The following MKLN1 variants were observed in gnomAD, a reference collection of about 807,000 sequenced individuals.
The protein encoded by MKLN1 is muskelin 1.
A neutral mutation model predicts 99.0 loss-of-function variants in MKLN1; 18 were observed. The observed-to-expected ratio is 0.18, with a 90% CI of 0.13 to 0.27. MKLN1 has a LOEUF of 0.27. Ranked by LOEUF, MKLN1 falls within the 10% of genes least tolerant of loss-of-function variation. The probability of loss-of-function intolerance (pLI) is 1.00; values close to 1 mark genes in which losing one functional copy is unlikely to be tolerated. For synonymous variants in MKLN1, 288 were observed against 293.2 expected, an observed-to-expected ratio of 0.98 and a Z score of 0.18; for missense variants, 621 against 875.9, an observed-to-expected ratio of 0.71 and a Z score of 3.67.
chr7:131,251,672 T>G (rs1438964570), intron 3 of MKLN1, among the ~76,000 whole-genome samples: 1 of 140,402 alleles, frequency 7.1e-6, no homozygotes, highest in Non-Finnish European at 1.6e-5. Context: ...AACATTTTCT[T>G]TTTTTTTTTT....
chr7:131,454,672 C>A (rs1796283484), intron 12 of MKLN1, among the ~76,000 whole-genome samples: 1 of 152,160 alleles, frequency 6.6e-6, no homozygotes, highest in East Asian at 1.9e-4. Flanking sequence ...TCATTATTAT[C>A]CTTTGGCAAA....
intron 3 of MKLN1, among the ~76,000 whole-genome samples, chr7:131,292,279 C>T (rs575403972): frequency 1.3e-5 from 2 of 152,116 alleles, no homozygotes; most frequent in African/African-American, 4.8e-5. Flanking sequence ...AGAAAGGAGG[C>T]GAGAATGCCA....
chr7:131,454,412 T>C (rs1796274993), intron 12 of MKLN1, among the ~76,000 whole-genome samples: 2 of 152,192 alleles, frequency 1.3e-5, no homozygotes. Flanking sequence ...AAATAAATGA[T>C]GAGTGGTAGA....
chr7:131,414,697 T>C lies in MKLN1; in HGVS notation c.834T>C (p.Ile278=). The C allele has an allele frequency of 6.2e-7, 1 of 1,603,672 alleles. No individual in the cohort carries two copies. Among genetic ancestry groups the C allele is most frequent in the East Asian group, 2.3e-5 (1 of 44,268 alleles). The change falls in exon 8 of 18, where the codon ATT becomes ATC. Residue 278 remains isoleucine (I), a synonymous_variant. Coordinates refer to ENST00000352689, the MANE Select transcript of MKLN1 (RefSeq NM_013255.5). ...TGAGAGGAGGCCATCAGATGGTTAT[T>C]GATGTTCAAACAGGTGAGTAGCAGT... ...PGMRGGHQMV[I]DVQTETVYLF...
intron 1 of MKLN1, among the ~76,000 whole-genome samples, chr7:131,350,634 G>T (rs997471690): frequency 2.6e-4 from 39 of 152,166 alleles, no homozygotes; most frequent in African/African-American, 9.4e-4. Context: ...TTATTGCCAC[G>T]TGGGCATCTC....
intron 2 of MKLN1, among the ~76,000 whole-genome samples, chr7:131,164,661 C>T (rs1453394728): frequency 2.6e-5 from 4 of 152,136 alleles, no homozygotes; most frequent in African/African-American, 4.8e-5. Context: ...AAAATACATT[C>T]CAGCATTTGT....
chr7:131,298,903 T>C (rs1223301944), intron 3 of MKLN1, among the ~76,000 whole-genome samples: 2 of 152,180 alleles, frequency 1.3e-5, no homozygotes, highest in African/African-American at 2.4e-5. Context: ...TTGTTATTTT[T>C]TCAGTTGTTT....
chr7:131,379,728 G>A (rs1401352802), intron 2 of MKLN1, among the ~76,000 whole-genome samples: 1 of 152,168 alleles, frequency 6.6e-6, no homozygotes, highest in Non-Finnish European at 1.5e-5. Context: ...TTTGTAACTT[G>A]AAGGATAAAT....
chr7:131,294,888 A>G (rs1798268171), intron 3 of MKLN1, among the ~76,000 whole-genome samples: 1 of 152,146 alleles, frequency 6.6e-6, no homozygotes, highest in Non-Finnish European at 1.5e-5. Flanking sequence ...AAGAGACCCA[A>G]AGAAGGACAG....
At chr7:131,278,218 T>C (rs1253491256) in intron 3 of MKLN1, among the ~76,000 whole-genome samples, 1 of 151,790 alleles carries the variant, frequency 6.6e-6, no homozygotes, top group Non-Finnish European at 1.5e-5. Flanking sequence ...TTGTATTTTT[T>C]GTAGAGACAG....
intron 3 of MKLN1, among the ~76,000 whole-genome samples, chr7:131,300,063 A>T (rs1798353200): frequency 6.6e-6 from 1 of 152,168 alleles, no homozygotes. Context: ...ACTATCTGAC[A>T]ATGCTTTTGC....
intron 2 of MKLN1, among the ~76,000 whole-genome samples, chr7:131,183,479 T>G (rs1040875476): frequency 2.0e-5 from 3 of 152,122 alleles, no homozygotes; most frequent in Non-Finnish European, 2.9e-5. Context: ...CCAAAGAAAT[T>G]GGAAGGCGTA....
At chr7:131,319,024 G>C (rs4270881) in intron 3 of MKLN1, among the ~76,000 whole-genome samples, 1 of 151,986 alleles carries the variant, frequency 6.6e-6, no homozygotes, top group Non-Finnish European at 1.5e-5. Context: ...GTACAAAGAG[G>C]AGCTGGTACC....
At chr7:131,254,586 T>A (rs1797630055) in intron 3 of MKLN1, among the ~76,000 whole-genome samples, 2 of 151,914 alleles carry the variant, frequency 1.3e-5, no homozygotes, top group African/African-American at 4.8e-5. Context: ...AGATTATCAA[T>A]AAAGAAATAG....
intron 2 of MKLN1, among the ~76,000 whole-genome samples, chr7:131,192,656 C>T (rs1796585568): frequency 6.6e-6 from 1 of 151,524 alleles, no homozygotes; most frequent in South Asian, 2.1e-4. Context: ...ATTCTCCTGC[C>T]TCAGCCTCCT....
chr7:131,126,972 C>G (rs1032768558), intron 1 of MKLN1, among the ~76,000 whole-genome samples: 1 of 152,026 alleles, frequency 6.6e-6, no homozygotes, highest in African/African-American at 2.4e-5. Flanking sequence ...TTGAGACCAG[C>G]CTGACCAACA....
At chr7:131,299,011 T>G (rs1798336819) in intron 3 of MKLN1, among the ~76,000 whole-genome samples, 1 of 152,176 alleles carries the variant, frequency 6.6e-6, no homozygotes, top group African/African-American at 2.4e-5. Flanking sequence ...AGATTCTGTC[T>G]CTATTGTTTA....
At chr7:131,482,402 T>C (rs1437149900) in intron 17 of MKLN1, among the ~76,000 whole-genome samples, 1 of 152,166 alleles carries the variant, frequency 6.6e-6, no homozygotes, top group African/African-American at 2.4e-5. Context: ...AGATGAGATC[T>C]CACTGTATTG....
intron 3 of MKLN1, among the ~76,000 whole-genome samples, chr7:131,211,403 A>G (rs1158361742): frequency 6.6e-6 from 1 of 152,206 alleles, no homozygotes; most frequent in African/African-American, 2.4e-5. Flanking sequence ...GTCTATGTGT[A>G]CAAGTAACTG....
Sources: gnomAD v4.1 joint callset for allele counts (sites outside exome capture counted in the v4.1 genomes callset) on GRCh38, gnomAD v4.1.1 for gene constraint, MANE v1.5 for transcripts, NCBI Gene and HGNC (gene_info 2026-07-23, HGNC 2026-07-21) for gene names.